The following CNTN4 variants were observed in gnomAD, a reference collection of about 807,000 sequenced individuals.
CNTN4 encodes the protein contactin-4.
In CNTN4, 77 loss-of-function variants were observed where a neutral mutation model predicts 122.5. That is an observed-to-expected ratio of 0.63 (90% CI 0.52 to 0.76). The LOEUF (loss-of-function observed/expected upper bound fraction) is 0.76. Ranked by LOEUF, CNTN4 falls within the 30% of genes least tolerant of loss-of-function variation. CNTN4 has a pLI of 0.00. For synonymous variants in CNTN4, 512 were observed against 447.0 expected (o/e 1.15, Z -1.83); for missense variants, 1,256 against 1,259.1 (o/e 1.00, Z 0.04).
intron 2 of CNTN4, among the ~76,000 whole-genome samples, chr3:2,125,186 GATACCTTAT>G (rs1349700780): frequency 6.6e-6 from 1 of 152,002 alleles, no homozygotes; most frequent in Non-Finnish European, 1.5e-5. Context: ...GACTATTTTA[GATACCTTAT>G]ATAAGTAGAA....
intron 22 of CNTN4, 89 bp downstream of exon 22, chr3:3,043,252 G>C: frequency 8.1e-7 from 1 of 1,235,110 alleles, no homozygotes; most frequent in South Asian, 1.2e-5. Context: ...ATGATCATTT[G>C]CATACTAATT....
intron 3 of CNTN4, among the ~76,000 whole-genome samples, chr3:2,384,453 G>A (rs536067673): frequency 2.0e-4 from 30 of 152,184 alleles, no homozygotes; most frequent in Admixed American, 4.6e-4. Flanking sequence ...AAAAAGCAAG[G>A]GAAACTGCTT....
At chr3:2,901,659 C>T (rs974317431) in intron 11 of CNTN4, among the ~76,000 whole-genome samples, 4 of 152,174 alleles carry the variant, frequency 2.6e-5, no homozygotes, top group African/African-American at 9.7e-5. Context: ...CTGTTGCTTG[C>T]TGTGCAGAGA....
chr3:2,790,318 G>C (rs779587919), intron 6 of CNTN4, among the ~76,000 whole-genome samples: 3 of 152,180 alleles, frequency 2.0e-5, no homozygotes, highest in Non-Finnish European at 4.4e-5. Flanking sequence ...GAAAGGCATT[G>C]AGCCATAGTG....
intron 3 of CNTN4, among the ~76,000 whole-genome samples, chr3:2,384,777 T>TGTG (rs2046178714): frequency 6.6e-6 from 1 of 152,084 alleles, no homozygotes; most frequent in Non-Finnish European, 1.5e-5. Flanking sequence ...TGTGTGTGTG[T>TGTG]GTGTGTGTGT....
chr3:2,852,459 AT>A (rs1264791872), intron 7 of CNTN4, among the ~76,000 whole-genome samples: 4 of 152,238 alleles, frequency 2.6e-5, no homozygotes, highest in Admixed American at 2.6e-4. Context: ...CATGTAAGTC[AT>A]CAAATGATTC....
intron 2 of CNTN4, among the ~76,000 whole-genome samples, chr3:2,335,013 TCTAA>T (rs796501892): frequency 8.5e-5 from 13 of 152,280 alleles, no homozygotes; most frequent in African/African-American, 1.7e-4. Context: ...AGCTGCTGCA[TCTAA>T]CTATTTGCTA....
At chr3:2,667,873 A>C (rs1010778062) in intron 4 of CNTN4, among the ~76,000 whole-genome samples, 1 of 151,902 alleles carries the variant, frequency 6.6e-6, no homozygotes, top group African/African-American at 2.4e-5. Flanking sequence ...TCTTGTTTTT[A>C]TCAGGTTTGT....
At chr3:2,615,458 T>A (rs1425342041) in intron 4 of CNTN4, among the ~76,000 whole-genome samples, 2 of 152,190 alleles carry the variant, frequency 1.3e-5, no homozygotes, top group African/African-American at 4.8e-5. Context: ...TACTTTCATG[T>A]AGGTAAAGGG....
At chr3:2,561,724 C>T (rs918848267) in intron 3 of CNTN4, among the ~76,000 whole-genome samples, 1 of 152,124 alleles carries the variant, frequency 6.6e-6, no homozygotes, top group African/African-American at 2.4e-5. Flanking sequence ...AATGACTTGC[C>T]CAAGAACAAC....
intron 6 of CNTN4, among the ~76,000 whole-genome samples, chr3:2,809,943 A>C (rs373749450): frequency 6.6e-6 from 1 of 152,252 alleles, no homozygotes; most frequent in African/African-American, 2.4e-5. Flanking sequence ...AAAAATAGCC[A>C]TCAGGAACGC....
chr3:2,241,372 C>T lies in CNTN4; in HGVS notation c.-144-97806C>T, dbSNP rs769897075. Among the ~76,000 whole-genome samples, 7 of 152,202 alleles carry T rather than the reference C, an allele frequency of 4.6e-5. 1 individual carries two copies. Among genetic ancestry groups the T allele is most frequent in the African/African-American group, 1.7e-4 (7 of 41,534 alleles). On this transcript the variant is annotated intron_variant, in intron 2 of 24. Transcript: ENST00000418658. The stretch of plus-strand genomic sequence containing the variant: ...AAGAGTGTTCCCACGATTATTTCTC[C>T]GCTTTTCTAATCATCAACTCATTAT...
chr3:2,217,650 C>T (rs548924586), intron 2 of CNTN4, among the ~76,000 whole-genome samples: 22 of 150,780 alleles, frequency 1.5e-4, no homozygotes, highest in African/African-American at 3.4e-4. Flanking sequence ...CAGAGAATAT[C>T]GCAAAACCAA....
rs150929587 is a variant in CNTN4 at position 2,582,124 on chromosome 3, T to G, written c.55+10566T>G. Among the ~76,000 whole-genome samples, 297 of 152,306 alleles carry G rather than the reference T, an allele frequency of 2.0e-3. 1 individual carries two copies. The highest frequency in any genetic ancestry group is 6.6e-3 in the African/African-American group (275 of 41,560). On this transcript the variant is annotated intron_variant, in intron 4 of 24. Coordinates refer to ENST00000418658, the MANE Select transcript of CNTN4 (RefSeq NM_175607.3). ...ACTAAAAATCACTTAACTGTACATTTTAAAAGGCTGAATTGTATGATGTGT... is the reference window on the plus strand; with the variant it reads ...ACTAAAAATCACTTAACTGTACATTGTAAAAGGCTGAATTGTATGATGTGT...
intron 4 of CNTN4, among the ~76,000 whole-genome samples, chr3:2,656,257 C>T (rs147925561): frequency 6.6e-6 from 1 of 152,152 alleles, no homozygotes; most frequent in African/African-American, 2.4e-5. Flanking sequence ...GAAAAATTTA[C>T]TCAAAGTCCA....
intron 14 of CNTN4, among the ~76,000 whole-genome samples, chr3:3,011,559 G>A (rs1697231045): frequency 6.6e-6 from 1 of 152,172 alleles, no homozygotes. Flanking sequence ...CACTTATCTG[G>A]ATGTTTGTAC....
At chr3:2,440,684 A>G (rs2048402329) in intron 3 of CNTN4, among the ~76,000 whole-genome samples, 1 of 151,740 alleles carries the variant, frequency 6.6e-6, no homozygotes, top group African/African-American at 2.4e-5. Context: ...ATATTCACAC[A>G]TATACGTATA....
chr3:2,404,640 T>C (rs1340326716), intron 3 of CNTN4, among the ~76,000 whole-genome samples: 2 of 152,188 alleles, frequency 1.3e-5, no homozygotes, highest in Non-Finnish European at 2.9e-5. Flanking sequence ...TCTAGGGTAA[T>C]CTCCCTGTTG....
At chr3:2,640,430 T>C (rs1559336757) in intron 4 of CNTN4, among the ~76,000 whole-genome samples, 1 of 152,178 alleles carries the variant, frequency 6.6e-6, no homozygotes, top group Non-Finnish European at 1.5e-5. Context: ...GAAATATGTC[T>C]ACCAGGGATT....
Sources: allele counts gnomAD v4.1 joint callset (sites outside exome capture counted in the v4.1 genomes callset), GRCh38; gene constraint gnomAD v4.1.1; transcripts MANE v1.5; gene names NCBI Gene and HGNC (gene_info 2026-07-23, HGNC 2026-07-21).